Variants in LVRN observed in about 807,000 individuals in gnomAD.
LVRN encodes aminopeptidase Q.
In LVRN, 99 loss-of-function variants were observed where a neutral mutation model predicts 111.4. The observed-to-expected ratio is 0.89, with a 90% CI of 0.76 to 1.05. LVRN has a LOEUF of 1.05. LVRN is among the 50% of genes least tolerant of loss of function. The pLI, the probability that LVRN is intolerant of heterozygous loss-of-function variation, is 0.00. For synonymous variants in LVRN, 488 were observed against 449.5 expected (o/e 1.09, Z -1.08); for missense variants, 1,414 against 1,206.8 (o/e 1.17, Z -2.54).
chr5:115,962,779 G>C lies in LVRN; in HGVS notation c.162G>C (p.Leu54Phe), dbSNP rs759391548. ...CGGAGCTGCCTGGACTCAGGGACTT[G>C]GAAGCCGAGTCTTCCCCTCCCCTCA... ...PPSELPGLRD[L>F]EAESSPPLRQ... Residue 54 changes from leucine to phenylalanine, a missense_variant, in exon 1 of 20, where the codon TTG becomes TTC. Physicochemically the swap from Leu to Phe is conservative, Grantham distance 22. Transcript: ENST00000357872. 11 of 1,610,888 alleles carry C rather than the reference G, an allele frequency of 6.8e-6. No individual in the cohort carries two copies. Among genetic ancestry groups the C allele is most frequent in the South Asian group, 1.1e-5 (1 of 90,960 alleles).
At chr5:116,018,192 T>A (rs1234775749) in intron 18 of LVRN, among the ~76,000 whole-genome samples, 1 of 152,170 alleles carries the variant, frequency 6.6e-6, no homozygotes, top group Admixed American at 6.5e-5. Flanking sequence ...TAACCAAGAC[T>A]CAGAAGTTAA....
rs142597700 is a variant in LVRN, at chr5:116,005,655, A to G, written c.2038-257A>G. 2.4e-3 allele frequency: 1,191 copies of G among 501,956 alleles called. 10 individuals are homozygous for G. The highest frequency in any genetic ancestry group is 0.022 in the African/African-American group (1,112 of 51,114). 31.1% of individuals were successfully genotyped at this position (501,956 alleles called of 1,614,324 possible). A position where few individuals can be genotyped will look rare whatever the true frequency, so the allele number is the denominator to read the frequency against. The stretch of plus-strand genomic sequence containing the variant: ...TTTATTTTTTAACATGGTATGTTTC[A>G]GGAGTATTTTGGCAAAACTTTCTGC... On this transcript the variant is annotated intron_variant, in intron 12 of 19. Coordinates refer to ENST00000357872, the MANE Select transcript of LVRN (RefSeq NM_173800.5).
rs17481884 is a variant in LVRN, at chr5:115,977,636, T to C, written c.696-5651T>C. 2.1e-3 allele frequency among the ~76,000 whole-genome samples: 321 copies of C among 152,308 alleles called. 1 individual carries two copies. Among genetic ancestry groups the C allele is most frequent in the Middle Eastern group, 0.017 (5 of 294 alleles). On this transcript the variant is annotated intron_variant, in intron 1 of 19. Coordinates refer to ENST00000357872, the MANE Select transcript of LVRN (RefSeq NM_173800.5). ...TTTAGTTTTAGTATTTATTACGTTA[T>C]GTACTTCAAAGCAGTCAGTGCATTG...
At chr5:116,014,299 T>G in intron 15 of LVRN, 121 bp from the exon 16 acceptor site, 1 of 706,866 alleles carries the variant, frequency 1.4e-6, no homozygotes, top group Non-Finnish European at 2.3e-6. Flanking sequence ...AAAACAAACC[T>G]GATGTCATTG....
intron 1 of LVRN, among the ~76,000 whole-genome samples, chr5:115,977,065 T>C (rs1484156290): frequency 1.3e-5 from 2 of 152,212 alleles, no homozygotes; most frequent in Non-Finnish European, 2.9e-5. Context: ...ATGTGAACTC[T>C]GGGAAGTGTT....
chr5:116,013,480 G>A (rs549052274), intron 15 of LVRN, among the ~76,000 whole-genome samples: 1 of 152,290 alleles, frequency 6.6e-6, no homozygotes, highest in South Asian at 2.1e-4. Flanking sequence ...TCTCTTCAGA[G>A]AAGCTCTAGG....
chr5:116,000,333 A>G, intron 7 of LVRN, 100 bp from the exon 8 acceptor site: 1 of 1,482,764 alleles, frequency 6.7e-7, no homozygotes, highest in Admixed American at 1.7e-5. Context: ...TGCAAAATGC[A>G]ATCAGGAGCA....
Position 116,001,053 on chromosome 5 carries a change from AT to A in LVRN, c.1648-8del. ...GATAACCTTACCTGCCTTTGTGGTG[AT>A]TTTTTAAAACAGGCCATAGATGACC... On this transcript the variant is annotated splice_polypyrimidine_tract_variant and intron_variant, in intron 9 of 19. Coordinates refer to ENST00000357872, the MANE Select transcript of LVRN (RefSeq NM_173800.5). The A allele has an allele frequency of 3.2e-6, 5 of 1,574,818 alleles. No individual in the cohort carries two copies. The highest frequency in any genetic ancestry group is 3.4e-6 in the Non-Finnish European group (4 of 1,166,716).
At chr5:115,984,808 A>G (rs143017428) in intron 3 of LVRN, 99 bp downstream of exon 3, 4 of 1,477,178 alleles carry the variant, frequency 2.7e-6, no homozygotes, top group Middle Eastern at 1.8e-4. Flanking sequence ...ATATCCCCAA[A>G]TCGCTTCCTA....
chr5:115,998,789 T>G (rs1283827645), intron 6 of LVRN, among the ~76,000 whole-genome samples: 7 of 152,198 alleles, frequency 4.6e-5, no homozygotes, highest in Non-Finnish European at 1.0e-4. Flanking sequence ...CTTCTTCATG[T>G]TAAAATTTGA....
intron 19 of LVRN, among the ~76,000 whole-genome samples, chr5:116,025,359 A>G (rs1748840846): frequency 6.6e-6 from 1 of 152,204 alleles, no homozygotes; most frequent in Admixed American, 6.5e-5. Context: ...CCACTGATAC[A>G]AAAAGAGACT....
At chr5:116,008,681 C>T (rs1748428308) in intron 13 of LVRN, among the ~76,000 whole-genome samples, 1 of 151,880 alleles carries the variant, frequency 6.6e-6, no homozygotes, top group African/African-American at 2.4e-5. Context: ...ATCAAACCAG[C>T]CACAATATTC....
chr5:115,999,500 G>A (rs923830612), intron 6 of LVRN, among the ~76,000 whole-genome samples: 1 of 152,168 alleles, frequency 6.6e-6, no homozygotes, highest in Non-Finnish European at 1.5e-5. Context: ...AATGTAGGTG[G>A]CTTTTGGAAA....
intron 19 of LVRN, among the ~76,000 whole-genome samples, chr5:116,025,220 C>G (rs1250050452): frequency 6.6e-6 from 1 of 152,124 alleles, no homozygotes; most frequent in Non-Finnish European, 1.5e-5. Context: ...TAAAACATTT[C>G]TTTTACATTG....
At chr5:115,996,062 T>C (rs1251017687) in intron 6 of LVRN, among the ~76,000 whole-genome samples, 6 of 152,232 alleles carry the variant, frequency 3.9e-5, no homozygotes, top group Non-Finnish European at 7.3e-5. Context: ...TGTTTGTATC[T>C]CTCTTTCATA....
rs142810653 is a variant in LVRN at position 116,014,515 on chromosome 5, A to G, written c.2438A>G (p.His813Arg). The G allele has an allele frequency of 5.0e-4, 802 of 1,612,784 alleles. No individual in the cohort carries two copies. Among genetic ancestry groups the G allele is most frequent in the African/African-American group, 9.9e-4 (74 of 75,028 alleles). Residue 813 changes from histidine (H) to arginine (R), a missense_variant, in exon 16 of 20, where the codon CAT (histidine) becomes CGT (arginine). By Grantham distance (29) the His-to-Arg change is conservative. Coordinates refer to ENST00000357872, the MANE Select transcript of LVRN (RefSeq NM_173800.5). ...GAACTTTTCGCAAAATGGGTGGATC[A>G]TCCAGAAAATGAGTAAGAGTAATAT... is the stretch of plus-strand genomic sequence containing the variant. ...SKELFAKWVDHPENEIPYPIK... is the reference protein window; with the variant it reads ...SKELFAKWVDRPENEIPYPIK...
In LVRN at chr5:116,012,274, C is replaced by T. The variant is rs796310747; in HGVS notation, c.2248-100C>T. On this transcript the variant is annotated intron_variant, in intron 14 of 19. Transcript: ENST00000357872. ...GTAATTTCTGAAGAAATATCTGCCA[C>T]TTGTCTATCAATGTCTTTTCAGATA... is the stretch of plus-strand genomic sequence containing the variant. 1.9e-5 allele frequency: 13 copies of T among 674,698 alleles called. No homozygotes were observed. In the East Asian group the frequency reaches 2.1e-4, roughly 11 times the overall value. 41.8% of individuals were successfully genotyped at this position (674,698 alleles called of 1,614,324 possible). A position where few individuals can be genotyped will look rare whatever the true frequency, so the allele number is the denominator to read the frequency against.
intron 1 of LVRN, among the ~76,000 whole-genome samples, chr5:115,976,569 T>A (rs1008900531): frequency 2.0e-5 from 3 of 152,224 alleles, no homozygotes; most frequent in Non-Finnish European, 4.4e-5. Context: ...AGGCATTTAA[T>A]ATTATAAATT....
Position 115,963,151 on chromosome 5 carries a change from C to T in LVRN, c.534C>T (p.Asp178=), listed in dbSNP as rs141529995. Residue 178 remains aspartate, a synonymous_variant, in exon 1 of 20, where the codon GAC becomes GAT. Coordinates refer to ENST00000357872, the MANE Select transcript of LVRN (RefSeq NM_173800.5). The part of the protein sequence containing the change: ...NATVGRVPVD[D]VWFALDTEYM... ...CAGTGGGCCGCGTGCCCGTGGACGA[C>T]GTGTGGTTCGCGCTGGACACGGAAT... is the stretch of plus-strand genomic sequence containing the variant. 826 of 1,613,242 alleles carry T rather than the reference C, an allele frequency of 5.1e-4. 2 individuals are homozygous for T. The highest frequency in any genetic ancestry group is 3.7e-3 in the East Asian group (167 of 44,864).
Sources: gnomAD v4.1 joint callset for allele counts (sites outside exome capture counted in the v4.1 genomes callset) on GRCh38, gnomAD v4.1.1 for gene constraint, MANE v1.5 for transcripts, NCBI Gene and HGNC (gene_info 2026-07-23, HGNC 2026-07-21) for gene names.